The following RPS19 variants were observed in gnomAD, a reference collection of about 807,000 sequenced individuals.
RPS19 encodes ribosomal protein S19.
RPS19 carries 1 observed loss-of-function variant against 20.3 expected under a neutral mutation model. The observed-to-expected ratio is 0.05, with a 90% confidence interval of 0.02 to 0.23. RPS19 has a LOEUF of 0.23. Among genes scored for constraint, RPS19 ranks in the 10% least tolerant of loss-of-function variants. The probability of loss-of-function intolerance (pLI) is 1.00; values close to 1 mark genes in which losing one functional copy is unlikely to be tolerated. For synonymous variants in RPS19, 87 were observed against 74.8 expected, an observed-to-expected ratio of 1.16 and a Z score of -0.84; for missense variants, 111 against 192.7, an observed-to-expected ratio of 0.58 and a Z score of 2.51.
chr19:41,864,668 G>A (rs7254214), intron 3 of RPS19: 63,138 of 152,140 alleles, frequency 0.41, 15,200 homozygotes, highest in Middle Eastern at 0.68. Context: ...GTTCCAGGTA[G>A]GGGGTGATTC....
intron 3 of RPS19, among the ~76,000 whole-genome samples, chr19:41,865,420 C>T (rs1258208973): frequency 6.6e-6 from 1 of 151,226 alleles, no homozygotes; most frequent in Non-Finnish European, 1.5e-5. Context: ...CTACCAGTCA[C>T]TGTGCTCAAG....
intron 3 of RPS19, among the ~76,000 whole-genome samples, chr19:41,865,363 CAAAA>C (rs11445219): frequency 1.5e-5 from 2 of 130,710 alleles, no homozygotes; most frequent in Non-Finnish European, 3.2e-5. Context: ...GAGACTGTCT[CAAAA>C]AAAAAAAAAA....
chr19:41,865,397 G>A (rs2074074669), intron 3 of RPS19, among the ~76,000 whole-genome samples: 1 of 151,020 alleles, frequency 6.6e-6, no homozygotes, highest in Non-Finnish European at 1.5e-5. Context: ...TAGGCCTTAT[G>A]GGAGCTTGTT....
chr19:41,866,110 A>G (rs1476483691), intron 3 of RPS19, among the ~76,000 whole-genome samples: 1 of 146,640 alleles, frequency 6.8e-6, no homozygotes, highest in Non-Finnish European at 1.5e-5. Context: ...AACATTAGCC[A>G]GGTGTGGTGG....
Position 41,860,852 on chromosome 19 carries a change from T to G in RPS19, c.71+7T>G, listed in dbSNP as rs1407018019. ...TGGCAGCCTTCCTCAAAAAGTGAGT[T>G]TGGGGACTGAGGTTCAAAACGGGTG... On this transcript the variant is annotated splice_region_variant and intron_variant, in intron 2 of 5. Coordinates refer to ENST00000598742, the MANE Select transcript of RPS19 (RefSeq NM_001022.4). The G allele has an allele frequency of 6.8e-6, 11 of 1,612,260 alleles. No homozygotes were observed. The highest frequency in any genetic ancestry group is 8.5e-6 in the Non-Finnish European group (10 of 1,178,936).
At chr19:41,863,478 T>C (rs2123266097) in intron 3 of RPS19, among the ~76,000 whole-genome samples, 1 of 152,266 alleles carries the variant, frequency 6.6e-6, no homozygotes, top group East Asian at 1.9e-4. Flanking sequence ...CCTGCTATAT[T>C]CCCTTTTTTC....
chr19:41,866,503 T>C (rs2074091436), intron 3 of RPS19, among the ~76,000 whole-genome samples: 3 of 152,024 alleles, frequency 2.0e-5, no homozygotes, highest in Admixed American at 6.6e-5. Flanking sequence ...TTGGTCCTGG[T>C]TATGGGCACT....
chr19:41,872,478 G>C lies in RPS19; in HGVS notation c.*1101G>C, dbSNP rs552964776. On this transcript the variant is annotated 3_prime_UTR_variant, in exon 6 of 6. Transcript: ENST00000598742. ...TGTGCACCTTATCCTCTGAGCCTTC[G>C]TCTCCTCGTGTGTAAGCCTGCTAAC... The C allele has an allele frequency of 6.6e-6, 1 of 152,260 alleles. No homozygotes were observed. The highest frequency in any genetic ancestry group is 1.5e-5 in the Non-Finnish European group (1 of 68,068). 9.4% of individuals were successfully genotyped at this position (152,260 alleles called of 1,614,324 possible).
intron 1 of RPS19, 103 bp downstream of exon 1, chr19:41,860,392 GT>G: frequency 5.7e-6 from 1 of 175,424 alleles, no homozygotes; most frequent in South Asian, 1.4e-4. Flanking sequence ...GCGCGGGCCC[GT>G]CCCGCCCCCT....
Position 41,872,281 on chromosome 19 carries a change from C to T in RPS19, c.*904C>T, listed in dbSNP as rs1222121000. On this transcript the variant is annotated 3_prime_UTR_variant, in exon 6 of 6. Coordinates refer to ENST00000598742, the MANE Select transcript of RPS19 (RefSeq NM_001022.4). Reference sequence around the variant, plus strand: ...AAAGAAACTTAGGGCCCGCTGTGACCAGATGTCCCTCCCAGTTGGGAAGAC... The same window carrying T: ...AAAGAAACTTAGGGCCCGCTGTGACTAGATGTCCCTCCCAGTTGGGAAGAC... 6.6e-6 allele frequency: 1 copy of T among 152,288 alleles called. No homozygotes were observed. Among genetic ancestry groups the T allele is most frequent in the African/African-American group, 2.4e-5 (1 of 41,480 alleles). 9.4% of individuals were successfully genotyped at this position (152,288 alleles called of 1,614,324 possible).
rs1481580754 is a variant in RPS19, at chr19:41,865,926, G to A, written c.173-3105G>A. On this transcript the variant is annotated intron_variant, in intron 3 of 5. Coordinates refer to ENST00000598742, the MANE Select transcript of RPS19 (RefSeq NM_001022.4). ...ATCACGCCACTGCACTCCAGCCTGG[G>A]CGACAGAGTGAGACTCCGTCTTTAA... 5.9e-5 allele frequency among the ~76,000 whole-genome samples: 8 copies of A among 135,196 alleles called. No homozygotes were observed. In the East Asian group the frequency reaches 1.7e-3, roughly 29 times the overall value. The allele number at this position is 135,196 out of a possible 152,430, so 88.7% of individuals were successfully genotyped here. A position where few individuals can be genotyped will look rare whatever the true frequency, so the allele number is the denominator to read the frequency against.
intron 3 of RPS19, 24 bp from the exon 4 acceptor site, chr19:41,869,007 A>G (rs2074116822): frequency 6.2e-7 from 1 of 1,612,270 alleles, no homozygotes. Context: ...AGACCCTTAA[A>G]TCTCCCTCTC....
At chr19:41,865,074 T>C (rs1413959762) in intron 3 of RPS19, among the ~76,000 whole-genome samples, 3 of 152,202 alleles carry the variant, frequency 2.0e-5, no homozygotes, top group African/African-American at 7.2e-5. Context: ...AAGGTTTTTA[T>C]ACAGCCTTAA....
At position 41,869,903 on chromosome 19, in the gene RPS19, G is replaced by A. The variant is rs192320459; in HGVS notation, c.411+150G>A. 9.9e-5 allele frequency: 76 copies of A among 767,434 alleles called. 2 individuals are homozygous for A. In the African/African-American group the frequency reaches 1.2e-3, roughly 12 times the overall value. The allele number at this position is 767,434 out of a possible 1,614,324, so 47.5% of individuals were successfully genotyped here. A position where few individuals can be genotyped will look rare whatever the true frequency, so the allele number is the denominator to read the frequency against. On this transcript the variant is annotated intron_variant, in intron 5 of 5. Coordinates refer to ENST00000598742, the MANE Select transcript of RPS19 (RefSeq NM_001022.4). The stretch of plus-strand genomic sequence containing the variant: ...TCAGAGGAGGGCTGCCCAGAGACAG[G>A]AGAAAGGACAGTCCTGTCTGACTTT...
intron 1 of RPS19, 114 bp from the exon 2 acceptor site, chr19:41,860,661 A>G: frequency 1.2e-6 from 1 of 863,340 alleles, no homozygotes; most frequent in Non-Finnish European, 2.0e-6. Flanking sequence ...GTGGGAAGTA[A>G]CGGGGGGTAC....
chr19:41,871,894 C>T lies in RPS19; in HGVS notation c.*517C>T, dbSNP rs1265616215. The stretch of plus-strand genomic sequence containing the variant: ...AAAGCAAGAGGGCCCAGGGTTCATG[C>T]TCTTCCCTGGAAGGTAGAAAAGGAC... On this transcript the variant is annotated 3_prime_UTR_variant, in exon 6 of 6. Coordinates refer to ENST00000598742, the MANE Select transcript of RPS19 (RefSeq NM_001022.4). 2 of 179,122 alleles carry T rather than the reference C, an allele frequency of 1.1e-5. No individual in the cohort carries two copies. The highest frequency in any genetic ancestry group is 3.1e-4 in the East Asian group (2 of 6,450). 11.1% of individuals were successfully genotyped at this position (179,122 alleles called of 1,614,324 possible).
chr19:41,865,055 C>A (rs2074070747), intron 3 of RPS19, among the ~76,000 whole-genome samples: 1 of 152,146 alleles, frequency 6.6e-6, no homozygotes, highest in Non-Finnish European at 1.5e-5. Context: ...CCAAGGTTCT[C>A]CATGCCAAAA....
intron 3 of RPS19, 102 bp downstream of exon 3, chr19:41,861,314 G>C (rs530244863): frequency 4.8e-6 from 4 of 840,900 alleles, no homozygotes; most frequent in South Asian, 4.2e-5. Flanking sequence ...CCCCAAGAGG[G>C]AGAGAAACCC....
intron 3 of RPS19, among the ~76,000 whole-genome samples, chr19:41,867,997 T>A (rs189511328): frequency 2.0e-5 from 3 of 152,166 alleles, no homozygotes; most frequent in African/African-American, 7.2e-5. Flanking sequence ...AAGAACTGTT[T>A]CTGGGCAGAA....
Sources: gnomAD v4.1 joint callset for allele counts (sites outside exome capture counted in the v4.1 genomes callset) on GRCh38, gnomAD v4.1.1 for gene constraint, MANE v1.5 for transcripts, NCBI Gene and HGNC (gene_info 2026-07-23, HGNC 2026-07-21) for gene names.